Variants in DPP10 observed in about 807,000 individuals in gnomAD.
DPP10 encodes dipeptidyl peptidase like 10, also known as inactive dipeptidyl peptidase 10.
DPP10 carries 33 observed loss-of-function variants against 120.9 expected under a neutral mutation model. The ratio of observed to expected loss-of-function variants is 0.27; its 90% CI spans 0.21 to 0.37. DPP10 has a LOEUF of 0.37. Ranked by LOEUF, DPP10 falls within the 10% of genes least tolerant of loss-of-function variation. DPP10 has a pLI of 1.00. For synonymous variants in DPP10, 337 were observed against 326.1 expected (o/e 1.03, Z -0.36); for missense variants, 816 against 942.8 (o/e 0.87, Z 1.76).
At chr2:115,420,959 G>A (rs370046240) in intron 3 of DPP10, among the ~76,000 whole-genome samples, 19 of 152,196 alleles carry the variant, frequency 1.2e-4, no homozygotes, top group African/African-American at 3.1e-4. Context: ...CTAGAAATAC[G>A]TAATTTTATT....
chr2:115,050,737 C>T (rs1019279661), intron 1 of DPP10, among the ~76,000 whole-genome samples: 5 of 152,130 alleles, frequency 3.3e-5, no homozygotes, highest in African/African-American at 1.2e-4. Context: ...ACTGACTAAC[C>T]TTCGGTCTCT....
chr2:115,193,769 A>C (rs1197998477), intron 1 of DPP10, among the ~76,000 whole-genome samples: 2 of 152,090 alleles, frequency 1.3e-5, no homozygotes, highest in African/African-American at 4.8e-5. Flanking sequence ...TCCTAACTCT[A>C]TTTCTACAAG....
chr2:114,571,923 T>C (rs944889920), intron 1 of DPP10, among the ~76,000 whole-genome samples: 2 of 148,576 alleles, frequency 1.3e-5, no homozygotes, highest in African/African-American at 4.9e-5. Flanking sequence ...GTGTACATAT[T>C]GTGTACATGT....
At chr2:115,152,381 T>C (rs942443928) in intron 1 of DPP10, among the ~76,000 whole-genome samples, 3 of 152,362 alleles carry the variant, frequency 2.0e-5, no homozygotes, top group Admixed American at 1.3e-4. Context: ...TCATTCTATG[T>C]TTCCTTGTAG....
At chr2:115,655,546 C>A (rs528032039) in intron 5 of DPP10, among the ~76,000 whole-genome samples, 58 of 151,726 alleles carry the variant, frequency 3.8e-4, no homozygotes, top group Non-Finnish European at 2.7e-4. Context: ...ACCCCATCTT[C>A]TGTTTCCTAC....
intron 1 of DPP10, among the ~76,000 whole-genome samples, chr2:115,298,897 G>A (rs965802646): frequency 6.6e-6 from 1 of 151,962 alleles, no homozygotes; most frequent in Non-Finnish European, 1.5e-5. Context: ...AAATATGAAG[G>A]CTTGATCAAA....
intron 1 of DPP10, among the ~76,000 whole-genome samples, chr2:114,674,482 C>T (rs1021743181): frequency 4.6e-5 from 7 of 151,932 alleles, no homozygotes; most frequent in African/African-American, 7.3e-5. Flanking sequence ...ATTCTCAAAA[C>T]GAAGGAAAAA....
At chr2:115,394,493 AG>A (rs2067539698) in intron 3 of DPP10, among the ~76,000 whole-genome samples, 1 of 151,808 alleles carries the variant, frequency 6.6e-6, no homozygotes, top group African/African-American at 2.4e-5. Flanking sequence ...AGAAAAAAAA[AG>A]AAAGGGAAAG....
chr2:114,600,748 T>C (rs1027564678), intron 1 of DPP10, among the ~76,000 whole-genome samples: 5 of 151,848 alleles, frequency 3.3e-5, no homozygotes. Context: ...CTCTTATGCA[T>C]TGGAATAGAA....
chr2:115,160,362 A>G (rs2052219593), intron 1 of DPP10, among the ~76,000 whole-genome samples: 1 of 152,210 alleles, frequency 6.6e-6, no homozygotes. Flanking sequence ...TATCGTTACA[A>G]TTAATATTTA....
At chr2:114,888,910 C>T (rs1211381687) in intron 1 of DPP10, among the ~76,000 whole-genome samples, 1 of 152,136 alleles carries the variant, frequency 6.6e-6, no homozygotes, top group African/African-American at 2.4e-5. Flanking sequence ...TGTGCCCCTC[C>T]CAAATTCGTG....
chr2:114,715,050 T>C (rs1701265102), intron 1 of DPP10, among the ~76,000 whole-genome samples: 1 of 152,190 alleles, frequency 6.6e-6, no homozygotes, highest in African/African-American at 2.4e-5. Context: ...TCTCTACCTA[T>C]CTGAGCTCCT....
intron 2 of DPP10, among the ~76,000 whole-genome samples, chr2:115,331,350 C>A (rs1345383593): frequency 6.6e-6 from 1 of 152,138 alleles, no homozygotes. Context: ...TCTAAATATA[C>A]AATGATGTCA....
At chr2:114,952,548 A>C (rs1254168863) in intron 1 of DPP10, among the ~76,000 whole-genome samples, 1 of 152,182 alleles carries the variant, frequency 6.6e-6, no homozygotes, top group East Asian at 1.9e-4. Flanking sequence ...GCTGCCTTGT[A>C]AAATGAGTGT....
intron 1 of DPP10, among the ~76,000 whole-genome samples, chr2:114,696,450 C>T (rs1700072833): frequency 6.6e-6 from 1 of 152,022 alleles, no homozygotes; most frequent in Admixed American, 6.6e-5. Flanking sequence ...TCACACCTTC[C>T]ATCCGTAAAG....
intron 1 of DPP10, among the ~76,000 whole-genome samples, chr2:114,813,693 A>G (rs1685373656): frequency 6.6e-6 from 1 of 151,580 alleles, no homozygotes; most frequent in Non-Finnish European, 1.5e-5. Context: ...TCTTTGGCAG[A>G]AGCATTATGT....
At chr2:114,663,668 T>TATATATATATATAG in intron 1 of DPP10, among the ~76,000 whole-genome samples, 3 of 80,714 alleles carry the variant, frequency 3.7e-5, no homozygotes, top group East Asian at 3.6e-4. Context: ...TATATATATA[T>TATATATATATATAG]AGAGAGAGAG....
chr2:115,285,747 G>A (rs2060337414), intron 1 of DPP10, among the ~76,000 whole-genome samples: 1 of 151,986 alleles, frequency 6.6e-6, no homozygotes, highest in Admixed American at 6.6e-5. Flanking sequence ...TATAATTGCT[G>A]CAGATAAAAC....
intron 21 of DPP10, among the ~76,000 whole-genome samples, chr2:115,831,573 T>C (rs1688932927): frequency 6.6e-6 from 1 of 152,242 alleles, no homozygotes; most frequent in East Asian, 1.9e-4. Flanking sequence ...TCTGTCAGTG[T>C]ATCCCTTTTA....
Sources: gnomAD v4.1 joint callset for allele counts (sites outside exome capture counted in the v4.1 genomes callset) on GRCh38, gnomAD v4.1.1 for gene constraint, MANE v1.5 for transcripts, NCBI Gene and HGNC (gene_info 2026-07-23, HGNC 2026-07-21) for gene names.